The following BRAF variants were observed in gnomAD, a reference collection of about 807,000 sequenced individuals.
BRAF encodes the protein serine/threonine-protein kinase B-raf.
In BRAF, 16 loss-of-function variants were observed where a neutral mutation model predicts 104.6. That is an observed-to-expected ratio of 0.15 (90% CI 0.10 to 0.23). The LOEUF (loss-of-function observed/expected upper bound fraction) is 0.23, where lower values mean the gene tolerates loss of function less well. BRAF is among the 10% of genes least tolerant of loss of function. The pLI, the probability that BRAF is intolerant of heterozygous loss-of-function variation, is 1.00. For missense variants in BRAF, 541 were observed against 937.3 expected (o/e 0.58, Z 5.52); for synonymous variants, 310 against 341.6 (o/e 0.91, Z 1.02).
intron 1 of BRAF, among the ~76,000 whole-genome samples, chr7:140,908,508 C>A (rs186010082): frequency 6.6e-6 from 1 of 152,234 alleles, no homozygotes; most frequent in Admixed American, 6.5e-5. Context: ...AAACCAGTAA[C>A]CATGATAAAT....
At chr7:140,786,802 T>C (rs1051139161) in intron 9 of BRAF, among the ~76,000 whole-genome samples, 2 of 152,230 alleles carry the variant, frequency 1.3e-5, no homozygotes, top group Non-Finnish European at 2.9e-5. Context: ...CTAAGGTCAA[T>C]CTTTAAGTAT....
chr7:140,800,284 A>T, intron 7 of BRAF, 78 bp downstream of exon 7: 1 of 1,601,834 alleles, frequency 6.2e-7, no homozygotes, highest in Non-Finnish European at 8.5e-7. Flanking sequence ...AACATTGGAA[A>T]GGTTTCTAAT....
intron 14 of BRAF, among the ~76,000 whole-genome samples, chr7:140,770,265 T>G (rs1799711975): frequency 6.6e-6 from 1 of 152,198 alleles, no homozygotes; most frequent in Non-Finnish European, 1.5e-5. Context: ...TGTTCACCAT[T>G]TTTTCAGCTT....
At chr7:140,821,529 C>T (rs1462390794) in intron 3 of BRAF, among the ~76,000 whole-genome samples, 1 of 151,628 alleles carries the variant, frequency 6.6e-6, no homozygotes, top group African/African-American at 2.4e-5. Context: ...GTCTCGAACT[C>T]CTGACCTCAA....
intron 19 of BRAF, chr7:140,732,979 T>C (rs913199635): frequency 6.6e-6 from 1 of 152,242 alleles, no homozygotes; most frequent in Non-Finnish European, 1.5e-5. Flanking sequence ...AAAAATCATA[T>C]ACTTAGATAT....
chr7:140,899,564 T>G (rs540054131), intron 1 of BRAF, among the ~76,000 whole-genome samples: 1 of 152,230 alleles, frequency 6.6e-6, no homozygotes, highest in Non-Finnish European at 1.5e-5. Context: ...TCTCTCATTG[T>G]GGTTTTAATT....
chr7:140,733,567 G>C (rs1796147665), intron 19 of BRAF: 1 of 152,102 alleles, frequency 6.6e-6, no homozygotes, highest in African/African-American at 2.4e-5. Context: ...ACCATTGAAT[G>C]AAAAAAGGAG....
intron 8 of BRAF, among the ~76,000 whole-genome samples, chr7:140,792,818 A>C (rs909977629): frequency 6.6e-6 from 1 of 152,260 alleles, no homozygotes; most frequent in African/African-American, 2.4e-5. Flanking sequence ...TAATGGAATC[A>C]TAAGTGCTTG....
chr7:140,763,210 G>A lies in BRAF; in HGVS notation c.1815-8977C>T, dbSNP rs527365658. ...CGGGGAGAGGCGCCCCTCACCTCCC[G>A]GACGAGGCGGCTGGCCGGGCGGGGG... On this transcript the variant is annotated intron_variant, in intron 14 of 19. Transcript: ENST00000644969. Among the ~76,000 whole-genome samples the A allele has an allele frequency of 1.6e-4, 25 of 152,042 alleles. No homozygotes were observed. In the East Asian group the frequency reaches 2.7e-3, roughly 17 times the overall value.
intron 7 of BRAF, 156 bp downstream of exon 7, chr7:140,800,206 A>T: frequency 8.6e-7 from 1 of 1,160,636 alleles, no homozygotes; most frequent in Non-Finnish European, 1.2e-6. Flanking sequence ...TATTTGTATC[A>T]AATGCATGTA....
intron 1 of BRAF, among the ~76,000 whole-genome samples, chr7:140,869,462 G>A (rs543779935): frequency 6.6e-5 from 10 of 152,082 alleles, no homozygotes; most frequent in East Asian, 1.9e-4. Flanking sequence ...GCGAAACCCC[G>A]TCTCTACTAA....
chr7:140,887,875 G>C (rs926557526), intron 1 of BRAF, among the ~76,000 whole-genome samples: 1 of 147,842 alleles, frequency 6.8e-6, no homozygotes, highest in African/African-American at 2.5e-5. Flanking sequence ...CACCATGCTC[G>C]TTTAATTTTT....
At chr7:140,779,286 G>A (rs1800625551) in intron 12 of BRAF, among the ~76,000 whole-genome samples, 1 of 152,088 alleles carries the variant, frequency 6.6e-6, no homozygotes, top group Non-Finnish European at 1.5e-5. Flanking sequence ...AGGCTGGATG[G>A]AGTGCAGTGG....
chr7:140,920,755 G>T (rs752176460), intron 1 of BRAF, among the ~76,000 whole-genome samples: 1 of 152,186 alleles, frequency 6.6e-6, no homozygotes, highest in Non-Finnish European at 1.5e-5. Context: ...GATGCCTAAA[G>T]AAGGGAGTTC....
intron 1 of BRAF, among the ~76,000 whole-genome samples, chr7:140,883,074 A>G (rs988661428): frequency 6.6e-6 from 1 of 152,080 alleles, no homozygotes; most frequent in Non-Finnish European, 1.5e-5. Flanking sequence ...TCAAAAAAGA[A>G]TATCAAAAAG....
chr7:140,757,357 T>A (rs777640836), intron 14 of BRAF, among the ~76,000 whole-genome samples: 20 of 152,026 alleles, frequency 1.3e-4, no homozygotes, highest in Non-Finnish European at 2.5e-4. Context: ...TGGTGCGATA[T>A]CGGCTCACTG....
intron 3 of BRAF, among the ~76,000 whole-genome samples, chr7:140,823,347 G>A (rs1290805577): frequency 6.6e-6 from 1 of 152,010 alleles, no homozygotes; most frequent in Non-Finnish European, 1.5e-5. Context: ...CCCCTGGCAA[G>A]CACCATTCTA....
chr7:140,894,020 G>A (rs914106778), intron 1 of BRAF, among the ~76,000 whole-genome samples: 4 of 152,080 alleles, frequency 2.6e-5, no homozygotes, highest in African/African-American at 9.7e-5. Flanking sequence ...TGTAGTCCCA[G>A]CTAATTGAGA....
chr7:140,923,807 G>A (rs1308592851), intron 1 of BRAF, among the ~76,000 whole-genome samples: 3 of 152,140 alleles, frequency 2.0e-5, no homozygotes, highest in Admixed American at 6.5e-5. Context: ...GTGCAAAAAT[G>A]CTCTTAAGTG....
Sources: gnomAD v4.1 joint callset for allele counts (sites outside exome capture counted in the v4.1 genomes callset) on GRCh38, gnomAD v4.1.1 for gene constraint, MANE v1.5 for transcripts, NCBI Gene and HGNC (gene_info 2026-07-23, HGNC 2026-07-21) for gene names.